The following LEKR1 variants were observed in gnomAD, a reference collection of about 807,000 sequenced individuals.
LEKR1 encodes the protein protein LEKR1.
A neutral mutation model predicts 72.4 loss-of-function variants in LEKR1; 59 were observed. That is an observed-to-expected ratio of 0.82 (90% CI 0.66 to 1.01). The LOEUF (loss-of-function observed/expected upper bound fraction) is 1.01, where lower values mean the gene tolerates loss of function less well. Among genes scored for constraint, LEKR1 ranks in the 50% least tolerant of loss-of-function variants. The pLI is 0.00. For missense variants in LEKR1, 728 were observed against 759.2 expected, an observed-to-expected ratio of 0.96 and a Z score of 0.48; for synonymous variants, 257 against 263.2, an observed-to-expected ratio of 0.98 and a Z score of 0.23.
intron 6 of LEKR1, among the ~76,000 whole-genome samples, chr3:156,954,099 C>A (rs1265247960): frequency 6.6e-6 from 1 of 151,972 alleles, no homozygotes; most frequent in Non-Finnish European, 1.5e-5. Flanking sequence ...TTTTAATTTG[C>A]ATTTCTCTAA....
rs1553831881 is a variant in LEKR1, at chr3:157,017,962, A to AAAAAG, written c.1203+6460_1203+6461insGAAAA. The stretch of plus-strand genomic sequence containing the variant: ...AGACTCTGTCTCAAAAAAAAAAAAA[A>AAAAAG]AAAAAAAAAAGAAAGCTGGAGTAGC... On this transcript the variant is annotated intron_variant, in intron 10 of 12. Coordinates refer to ENST00000356539, the MANE Select transcript of LEKR1 (RefSeq NM_001004316.3). 3.7e-4 allele frequency among the ~76,000 whole-genome samples: 50 copies of AAAAAG among 134,292 alleles called. 1 individual carries two copies. Among genetic ancestry groups the AAAAAG allele is most frequent in the Middle Eastern group, 4.3e-3 (1 of 232 alleles). The allele number at this position is 134,292 out of a possible 152,430, so 88.1% of individuals were successfully genotyped here.
chr3:156,908,887 A>G (rs776100789), intron 3 of LEKR1, among the ~76,000 whole-genome samples: 12 of 152,112 alleles, frequency 7.9e-5, no homozygotes, highest in Non-Finnish European at 1.3e-4. Context: ...GGTACTTGAT[A>G]TGGTTTGGCT....
chr3:157,026,163 G>A (rs1363400650), intron 11 of LEKR1, among the ~76,000 whole-genome samples: 2 of 152,112 alleles, frequency 1.3e-5, no homozygotes, highest in African/African-American at 2.4e-5. Context: ...GCTCCCCCAA[G>A]GTTCTGCCTC....
intron 11 of LEKR1, 133 bp from the exon 12 acceptor site, chr3:157,027,970 C>T: frequency 1.9e-6 from 1 of 521,956 alleles, no homozygotes; most frequent in East Asian, 3.2e-5. Context: ...TGAAGGCCTG[C>T]ACATCATGGG....
intron 2 of LEKR1, among the ~76,000 whole-genome samples, chr3:156,839,691 AG>A (rs1312517763): frequency 6.6e-6 from 1 of 152,194 alleles, no homozygotes; most frequent in African/African-American, 2.4e-5. Flanking sequence ...AAGAAGACAT[AG>A]TAGAGGCAGT....
chr3:156,898,839 C>CAAAA (rs1191106486), intron 3 of LEKR1, among the ~76,000 whole-genome samples: 1 of 151,852 alleles, frequency 6.6e-6, no homozygotes, highest in African/African-American at 2.4e-5. Context: ...AACAAACAAA[C>CAAAA]AAAAAAATGG....
chr3:157,027,821 C>CA (rs199951635), intron 11 of LEKR1, among the ~76,000 whole-genome samples: 31 of 149,460 alleles, frequency 2.1e-4, no homozygotes, highest in East Asian at 1.2e-3. Context: ...GACCCTGTCT[C>CA]AAAAAAAAAG....
chr3:156,899,545 TATAC>T (rs1721701338), intron 3 of LEKR1, among the ~76,000 whole-genome samples: 8 of 127,690 alleles, frequency 6.3e-5, no homozygotes, highest in South Asian at 2.7e-4. Context: ...TATATACATA[TATAC>T]ACATATATAC....
At chr3:156,899,349 T>TACAC (rs1560063419) in intron 3 of LEKR1, among the ~76,000 whole-genome samples, 5 of 121,054 alleles carry the variant, frequency 4.1e-5, no homozygotes, top group African/African-American at 1.8e-4. Context: ...TACACATATA[T>TACAC]ACATGTATAT....
intron 2 of LEKR1, among the ~76,000 whole-genome samples, chr3:156,842,658 T>C (rs1346807709): frequency 6.6e-6 from 1 of 152,178 alleles, no homozygotes; most frequent in Non-Finnish European, 1.5e-5. Context: ...GTAGGGGAGA[T>C]GGCTACCAAA....
intron 10 of LEKR1, among the ~76,000 whole-genome samples, chr3:157,023,541 G>GA (rs1733982689): frequency 6.6e-6 from 1 of 152,136 alleles, no homozygotes; most frequent in African/African-American, 2.4e-5. Context: ...TCAGAGTGTG[G>GA]AAGTACTCTC....
intron 12 of LEKR1, 67 bp from the exon 13 acceptor site, chr3:157,045,273 C>G: frequency 7.6e-7 from 1 of 1,315,604 alleles, no homozygotes; most frequent in South Asian, 1.4e-5. Context: ...TTGTATTGTC[C>G]GTAACTATCT....
Position 157,020,999 on chromosome 3 carries a change from T to C in LEKR1, c.1204-3761T>C, listed in dbSNP as rs896272066. Among the ~76,000 whole-genome samples, 393 of 151,904 alleles carry C rather than the reference T, an allele frequency of 2.6e-3. 1 individual carries two copies. Among genetic ancestry groups the C allele is most frequent in the Non-Finnish European group, 3.7e-3 (249 of 67,842 alleles). ...ACTGGTGGGAGATGGTATCTCATTG[T>C]GGTTTTGATTTGCATTTCTCTGATG... On this transcript the variant is annotated intron_variant, in intron 10 of 12. Transcript: ENST00000356539.
At chr3:156,865,303 C>T (rs1194003274) in intron 3 of LEKR1, among the ~76,000 whole-genome samples, 1 of 151,942 alleles carries the variant, frequency 6.6e-6, no homozygotes, top group African/African-American at 2.4e-5. Flanking sequence ...CTTAAATGCC[C>T]TTTGCCTCAG....
intron 6 of LEKR1, among the ~76,000 whole-genome samples, chr3:156,950,896 A>G (rs1727095285): frequency 6.6e-6 from 1 of 151,598 alleles, no homozygotes; most frequent in Non-Finnish European, 1.5e-5. Flanking sequence ...AGGACTTCCA[A>G]TGCTATATCG....
intron 9 of LEKR1, among the ~76,000 whole-genome samples, chr3:157,002,669 G>A (rs1732104309): frequency 6.6e-6 from 1 of 152,058 alleles, no homozygotes; most frequent in Admixed American, 6.5e-5. Flanking sequence ...TCTCATTTCT[G>A]TAACCATAAT....
At position 157,045,649 on chromosome 3, in the gene LEKR1, A is replaced by G. The variant is rs61469347; in HGVS notation, c.1978A>G (p.Ile660Val). Residue 660 changes from isoleucine (I) to valine (V), a missense_variant, in exon 13 of 13, where the codon ATT (isoleucine) becomes GTT (valine). Ile to Val is a conservative substitution (Grantham distance 29). Transcript: ENST00000356539. ...KPKRVRSGVP[I>V]LPQPHPPRGG... ...GAAGAGGGTTAGATCAGGCGTGCCC[A>G]TTCTCCCCCAGCCACATCCTCCCAG... The G allele has an allele frequency of 5.3e-3, 8,618 of 1,614,046 alleles. 375 individuals are homozygous for G. The African/African-American group carries it at 0.096, about 18-fold the overall frequency.
At chr3:156,907,099 T>A (rs1178665832) in intron 3 of LEKR1, among the ~76,000 whole-genome samples, 1 of 152,110 alleles carries the variant, frequency 6.6e-6, no homozygotes, top group Non-Finnish European at 1.5e-5. Context: ...ACAATTTTTT[T>A]AGATTTTTAA....
chr3:156,900,676 G>A lies in LEKR1; in HGVS notation c.264-19899G>A, dbSNP rs140766173. Among the ~76,000 whole-genome samples, 41 of 152,280 alleles carry A rather than the reference G, an allele frequency of 2.7e-4. No individual in the cohort carries two copies. The East Asian group carries it at 7.1e-3, about 26-fold the overall frequency. On this transcript the variant is annotated intron_variant, in intron 3 of 12. Transcript: ENST00000356539. ...CTGATAGTAGAAAAACTGGCCAAAA[G>A]TGAAGTAAGTTTCCTAATTGTTTGC...
Sources: allele counts gnomAD v4.1 joint callset (sites outside exome capture counted in the v4.1 genomes callset), GRCh38; gene constraint gnomAD v4.1.1; transcripts MANE v1.5; gene names NCBI Gene and HGNC (gene_info 2026-07-23, HGNC 2026-07-21).